The following ZFP1 variants were observed in gnomAD, a reference collection of about 807,000 sequenced individuals.
ZFP1 encodes ZFP1 zinc finger protein.
In ZFP1, 32 loss-of-function variants were observed where a neutral mutation model predicts 38.5. The observed-to-expected ratio is 0.83, with a 90% CI of 0.63 to 1.12. ZFP1 has a LOEUF of 1.12. Among genes scored for constraint, ZFP1 ranks in the 50% most tolerant of loss-of-function variants. ZFP1 has a pLI of 0.00. For missense variants in ZFP1, 616 were observed against 480.8 expected, an observed-to-expected ratio of 1.28 and a Z score of -2.63; for synonymous variants, 245 against 168.8, an observed-to-expected ratio of 1.45 and a Z score of -3.50.
At chr16:75,135,956 C>T in the ZFP1 span, among the ~76,000 whole-genome samples, 1 of 152,318 alleles carries the variant, frequency 6.6e-6, no homozygotes, top group African/African-American at 2.4e-5. Flanking sequence ...ACTGGGATTA[C>T]AGGCACCCGC....
At chr16:75,139,734 G>A in the ZFP1 span, among the ~76,000 whole-genome samples, 1 of 152,086 alleles carries the variant, frequency 6.6e-6, no homozygotes, top group Non-Finnish European at 1.5e-5. Flanking sequence ...TTTATACTTA[G>A]AGTCATCAAA....
At chr16:75,168,547 G>A (rs202166784) in intron 3 of ZFP1, among the ~76,000 whole-genome samples, 2 of 149,110 alleles carry the variant, frequency 1.3e-5, no homozygotes, top group Non-Finnish European at 3.0e-5. Flanking sequence ...AACTTCAGTA[G>A]AAAAAAAAAA....
At chr16:75,130,543 C>T in the ZFP1 span, among the ~76,000 whole-genome samples, 4 of 152,186 alleles carry the variant, frequency 2.6e-5, no homozygotes, top group Non-Finnish European at 5.9e-5. Context: ...AGTACGCATG[C>T]TCAAGCTCAG....
At chr16:75,164,130 T>C (rs903926744) in intron 2 of ZFP1, among the ~76,000 whole-genome samples, 1 of 152,232 alleles carries the variant, frequency 6.6e-6, no homozygotes, top group African/African-American at 2.4e-5. Flanking sequence ...TGCCTTTTGT[T>C]TTCAGGCTTT....
chr16:75,155,044 C>G (rs1208694873), intron 2 of ZFP1, among the ~76,000 whole-genome samples: 1 of 152,126 alleles, frequency 6.6e-6, no homozygotes, highest in East Asian at 1.9e-4. Context: ...AGTGATCCAC[C>G]CACCTTGGCC....
intron 2 of ZFP1, among the ~76,000 whole-genome samples, chr16:75,165,030 C>T (rs1010075486): frequency 3.3e-5 from 5 of 152,142 alleles, no homozygotes; most frequent in Non-Finnish European, 5.9e-5. Context: ...GTTTTGAACT[C>T]ATGACCTCAG....
the ZFP1 span, chr16:75,132,648 A>G: frequency 1.3e-5 from 1 of 76,174 alleles, no homozygotes; most frequent in Non-Finnish European, 2.7e-5. Context: ...ATTTCATTTC[A>G]TTTCTTTTTT....
At position 75,148,618 on chromosome 16, in the gene ZFP1, C is replaced by T. The variant is rs1364900350; in HGVS notation, c.-69C>T. 1.3e-5 allele frequency: 2 copies of T among 152,316 alleles called. No individual in the cohort carries two copies. The highest frequency in any genetic ancestry group is 6.5e-5 in the Admixed American group (1 of 15,294). 9.4% of individuals were successfully genotyped at this position (152,316 alleles called of 1,614,324 possible). A position where few individuals can be genotyped will look rare whatever the true frequency, so the allele number is the denominator to read the frequency against. On this transcript the variant is annotated 5_prime_UTR_variant, in exon 1 of 4. Transcript: ENST00000570010. Reference sequence around the variant, plus strand: ...GCCGTGACCCGCTGTGGCACTGGGCCACGAGTGGAGGCTGCGCCCCTCCAG... The same window carrying T: ...GCCGTGACCCGCTGTGGCACTGGGCTACGAGTGGAGGCTGCGCCCCTCCAG...
At chr16:75,153,780 A>G (rs7189851) in intron 2 of ZFP1, among the ~76,000 whole-genome samples, 12,796 of 152,222 alleles carry the variant, frequency 0.084, 973 homozygotes, top group African/African-American at 0.19. Context: ...AATGACATGT[A>G]TCCATCACTA....
Position 75,161,775 on chromosome 16 carries a change from T to TATATATATATATATATA in ZFP1, c.16-4995_16-4994insATATATATATATATATA, listed in dbSNP as rs59261786. Among the ~76,000 whole-genome samples the TATATATATATATATATA allele has an allele frequency of 8.6e-3, 54 of 6,246 alleles. 1 individual carries two copies. Among genetic ancestry groups the TATATATATATATATATA allele is most frequent in the African/African-American group, 0.014 (27 of 1,994 alleles). 4.1% of individuals were successfully genotyped at this position (6,246 alleles called of 152,430 possible). Reference sequence around the variant, plus strand: ...TTTATGAAATATATATATATATATATTTTTTTTTTTTTTTTTTTTTTTTTT... The same window carrying TATATATATATATATATA: ...TTTATGAAATATATATATATATATATATATATATATATATATATTTTTTTTTTTTTTTTTTTTTTTTT... On this transcript the variant is annotated intron_variant, in intron 2 of 3. Transcript: ENST00000570010.
chr16:75,131,679 C>G, the ZFP1 span, among the ~76,000 whole-genome samples: 1 of 151,974 alleles, frequency 6.6e-6, no homozygotes, highest in Admixed American at 6.6e-5. Flanking sequence ...AAATGTCTAT[C>G]TTGTCCAGGC....
At chr16:75,120,348 T>C in the ZFP1 span, among the ~76,000 whole-genome samples, 1 of 152,242 alleles carries the variant, frequency 6.6e-6, no homozygotes, top group Middle Eastern at 3.4e-3. Context: ...CCTAAAATAG[T>C]TTATAATAGC....
rs1041929141 is a variant in ZFP1, at chr16:75,170,125, C to T, written c.1015C>T (p.Leu339Phe). The T allele has an allele frequency of 1.9e-6, 3 of 1,613,972 alleles. No homozygotes were observed. The highest frequency in any genetic ancestry group is 1.3e-5 in the African/African-American group (1 of 75,054). The change falls in exon 4 of 4, where the codon CTC becomes TTC. Residue 339 changes from leucine to phenylalanine, a missense_variant. By Grantham distance (22) the Leu-to-Phe change is conservative. Coordinates refer to ENST00000570010, the MANE Select transcript of ZFP1 (RefSeq NM_153688.4). Reference sequence around the variant, plus strand: ...AAAATCCTTTATCCAGAACTCACAGCTCATCATACACATGAGAACTCATAC... The same window carrying T: ...AAAATCCTTTATCCAGAACTCACAGTTCATCATACACATGAGAACTCATAC... ...CGKSFIQNSQ[L>F]IIHMRTHTGE... is the part of the protein sequence containing the mutation.
the ZFP1 span, among the ~76,000 whole-genome samples, chr16:75,142,421 C>G: frequency 2.6e-5 from 4 of 151,864 alleles, no homozygotes; most frequent in Admixed American, 1.3e-4. Context: ...CTGAAACGTC[C>G]TGCTGTAACC....
At chr16:75,138,028 T>G in the ZFP1 span, among the ~76,000 whole-genome samples, 2 of 13,684 alleles carry the variant, frequency 1.5e-4, no homozygotes, top group South Asian at 5.2e-3. Flanking sequence ...CACTTCCTTT[T>G]TTTTTTTTTT....
At chr16:75,141,800 C>T in the ZFP1 span, among the ~76,000 whole-genome samples, 3 of 151,356 alleles carry the variant, frequency 2.0e-5, no homozygotes, top group Non-Finnish European at 2.9e-5. Flanking sequence ...TCTGTAATCC[C>T]AGCACTTTGG....
At chr16:75,155,805 TATTC>T (rs2037441819) in intron 2 of ZFP1, among the ~76,000 whole-genome samples, 1 of 152,222 alleles carries the variant, frequency 6.6e-6, no homozygotes, top group Non-Finnish European at 1.5e-5. Context: ...CTTAATGTAA[TATTC>T]AGTTGATAAA....
intron 2 of ZFP1, among the ~76,000 whole-genome samples, chr16:75,164,600 C>T (rs1030879485): frequency 1.3e-5 from 2 of 152,074 alleles, no homozygotes; most frequent in African/African-American, 4.8e-5. Flanking sequence ...TGATACTTGA[C>T]ATCTATTATG....
At chr16:75,130,832 G>A in the ZFP1 span, among the ~76,000 whole-genome samples, 1 of 148,094 alleles carries the variant, frequency 6.8e-6, no homozygotes, top group Admixed American at 6.7e-5. Context: ...TTTTTTTTTG[G>A]TTGACAAAAC....
Sources: gnomAD v4.1 joint callset for allele counts (sites outside exome capture counted in the v4.1 genomes callset) on GRCh38, gnomAD v4.1.1 for gene constraint, MANE v1.5 for transcripts, NCBI Gene and HGNC (gene_info 2026-07-23, HGNC 2026-07-21) for gene names.